CNTN5: variants seen among roughly 807,000 people sequenced by gnomAD.
The protein encoded by CNTN5 is contactin-5.
In CNTN5, 77 loss-of-function variants were observed where a neutral mutation model predicts 129.1. The ratio of observed to expected loss-of-function variants is 0.60; its 90% CI spans 0.50 to 0.72. CNTN5 has a LOEUF of 0.72. Ranked by LOEUF, CNTN5 falls within the 30% of genes least tolerant of loss-of-function variation. CNTN5 has a pLI of 0.00. For synonymous variants in CNTN5, 509 were observed against 465.6 expected (o/e 1.09, Z -1.20); for missense variants, 1,478 against 1,328.8 (o/e 1.11, Z -1.75).
intron 17 of CNTN5, among the ~76,000 whole-genome samples, chr11:100,267,576 G>A (rs916454182): frequency 6.6e-6 from 1 of 151,890 alleles, no homozygotes; most frequent in African/African-American, 2.4e-5. Context: ...CAATATCTAG[G>A]GGAAGGCAGC....
At chr11:99,483,202 A>AAAAT (rs1945673487) in intron 2 of CNTN5, among the ~76,000 whole-genome samples, 1 of 129,494 alleles carries the variant, frequency 7.7e-6, no homozygotes, top group Non-Finnish European at 1.7e-5. Context: ...AAAAAAAAAA[A>AAAAT]GTTTTAGAAC....
At chr11:99,755,236 A>G (rs1051852416) in intron 3 of CNTN5, among the ~76,000 whole-genome samples, 4 of 152,178 alleles carry the variant, frequency 2.6e-5, no homozygotes, top group African/African-American at 9.7e-5. Flanking sequence ...ATTTAGGTAA[A>G]TACCAAGGAG....
At position 99,926,994 on chromosome 11, in the gene CNTN5, G is replaced by A. The variant is rs1333900929; in HGVS notation, c.673+10845G>A. On this transcript the variant is annotated intron_variant, in intron 7 of 24. Coordinates refer to ENST00000524871, the MANE Select transcript of CNTN5 (RefSeq NM_014361.4). ...CAAGATGGAAATACATAGATTCTAG[G>A]AAGTGTAATTGAGTGAGACTAATTT... 3.9e-5 allele frequency among the ~76,000 whole-genome samples: 6 copies of A among 152,226 alleles called. No homozygotes were observed. The East Asian group carries it at 1.2e-3, about 29-fold the overall frequency.
At chr11:99,205,776 C>A (rs1227323273) in intron 1 of CNTN5, among the ~76,000 whole-genome samples, 1 of 151,976 alleles carries the variant, frequency 6.6e-6, no homozygotes, top group East Asian at 1.9e-4. Flanking sequence ...AATTATATTG[C>A]ATGCCATAAA....
chr11:99,227,828 A>G (rs1318343366), intron 1 of CNTN5, among the ~76,000 whole-genome samples: 1 of 152,156 alleles, frequency 6.6e-6, no homozygotes, highest in Non-Finnish European at 1.5e-5. Context: ...ATGTGATACT[A>G]ATGTTTTATT....
chr11:99,417,623 A>C (rs1279889223), intron 2 of CNTN5, among the ~76,000 whole-genome samples: 1 of 152,050 alleles, frequency 6.6e-6, no homozygotes, highest in Non-Finnish European at 1.5e-5. Flanking sequence ...ACTATTATCT[A>C]GGAAAATAAA....
At chr11:100,029,609 A>T (rs1212113679) in intron 9 of CNTN5, among the ~76,000 whole-genome samples, 1 of 152,114 alleles carries the variant, frequency 6.6e-6, no homozygotes. Context: ...TGCTAATAGA[A>T]TGCAGATATT....
rs534918408 is a variant in CNTN5 at position 99,026,113 on chromosome 11, T to C, written c.-210+4843T>C. On this transcript the variant is annotated intron_variant, in intron 1 of 24. Coordinates refer to ENST00000524871, the MANE Select transcript of CNTN5 (RefSeq NM_014361.4). ...ACAACAGGAATTTTTAAAAGAATTT[T>C]ATTGTTTTCTAAAAATACATTTTTA... Among the ~76,000 whole-genome samples, 15 of 151,774 alleles carry C rather than the reference T, an allele frequency of 9.9e-5. No individual in the cohort carries two copies. The South Asian group carries it at 3.1e-3, about 31-fold the overall frequency.
Position 100,163,428 on chromosome 11 carries a change from T to C in CNTN5, c.1581-27698T>C, listed in dbSNP as rs1213907446. Among the ~76,000 whole-genome samples the C allele has an allele frequency of 2.6e-5, 4 of 151,986 alleles. No individual in the cohort carries two copies. The East Asian group carries it at 7.8e-4, about 30-fold the overall frequency. ...TGTATATCAGAGCAATATATTTACA[T>C]GATACAGCTGATCTGGATATGTACA... On this transcript the variant is annotated intron_variant, in intron 13 of 24. Coordinates refer to ENST00000524871, the MANE Select transcript of CNTN5 (RefSeq NM_014361.4).
intron 3 of CNTN5, among the ~76,000 whole-genome samples, chr11:99,611,275 A>G (rs749540013): frequency 7.2e-5 from 11 of 152,164 alleles, no homozygotes; most frequent in Non-Finnish European, 1.2e-4. Flanking sequence ...AGCATAGTGC[A>G]TTTCAATAGT....
chr11:99,296,627 G>A (rs1311514538), intron 1 of CNTN5, among the ~76,000 whole-genome samples: 1 of 152,172 alleles, frequency 6.6e-6, no homozygotes, highest in East Asian at 1.9e-4. Flanking sequence ...CCAGGAATAT[G>A]GAACCAAACA....
chr11:99,364,724 C>T (rs1316449418), intron 2 of CNTN5, among the ~76,000 whole-genome samples: 1 of 151,996 alleles, frequency 6.6e-6, no homozygotes, highest in Non-Finnish European at 1.5e-5. Context: ...ACGATTAAAT[C>T]ATTGATTATG....
intron 7 of CNTN5, among the ~76,000 whole-genome samples, chr11:99,921,262 A>G (rs542373882): frequency 9.2e-5 from 14 of 152,178 alleles, no homozygotes; most frequent in African/African-American, 3.4e-4. Context: ...TTTGCCTCCA[A>G]TTGATCTGTC....
At chr11:99,362,646 A>T (rs955599026) in intron 2 of CNTN5, among the ~76,000 whole-genome samples, 11 of 151,578 alleles carry the variant, frequency 7.3e-5, no homozygotes, top group African/African-American at 2.7e-4. Context: ...TGGTGAAAAA[A>T]TGTTTTAGCT....
chr11:99,479,953 A>G (rs2135307911), intron 2 of CNTN5, among the ~76,000 whole-genome samples: 1 of 152,148 alleles, frequency 6.6e-6, no homozygotes, highest in Admixed American at 6.6e-5. Context: ...TTTATTCCCA[A>G]TGGCATAAAA....
intron 9 of CNTN5, chr11:100,003,803 A>G (rs538072137): frequency 6.6e-6 from 1 of 152,288 alleles, no homozygotes; most frequent in South Asian, 2.1e-4. Context: ...TCTCAAAAGT[A>G]AATACATAAA....
intron 13 of CNTN5, among the ~76,000 whole-genome samples, chr11:100,158,466 C>T (rs913331383): frequency 6.6e-6 from 1 of 151,816 alleles, no homozygotes; most frequent in African/African-American, 2.4e-5. Context: ...ATGTTGTTTA[C>T]TTTGAATATA....
intron 3 of CNTN5, among the ~76,000 whole-genome samples, chr11:99,665,555 G>C (rs1952757146): frequency 7.1e-6 from 1 of 140,370 alleles, no homozygotes; most frequent in Non-Finnish European, 1.5e-5. Context: ...GCGTGATCTT[G>C]GCTCACTGCA....
At chr11:99,964,222 C>T (rs552171017) in intron 8 of CNTN5, among the ~76,000 whole-genome samples, 69 of 151,220 alleles carry the variant, frequency 4.6e-4, no homozygotes, top group Admixed American at 3.1e-3. Context: ...TGAGAGAGGG[C>T]ATCCCTGTCT....
Sources: allele counts gnomAD v4.1 joint callset (sites outside exome capture counted in the v4.1 genomes callset), GRCh38; gene constraint gnomAD v4.1.1; transcripts MANE v1.5; gene names NCBI Gene and HGNC (gene_info 2026-07-23, HGNC 2026-07-21).